ATP2C2: variants seen among roughly 807,000 people sequenced by gnomAD.
The protein encoded by ATP2C2 is ATPase secretory pathway Ca2+ transporting 2, also known as calcium-transporting ATPase type 2C member 2.
A neutral mutation model predicts 110.8 loss-of-function variants in ATP2C2; 171 were observed. The observed-to-expected ratio is 1.54, with a 90% CI of 1.36 to 1.75. ATP2C2 has a LOEUF of 1.75. Ranked by LOEUF, ATP2C2 falls within the 40% of genes most tolerant of loss-of-function variation. The pLI, the probability that ATP2C2 is intolerant of heterozygous loss-of-function variation, is 0.00. For synonymous variants in ATP2C2, 804 were observed against 508.4 expected (o/e 1.58, Z -7.82); for missense variants, 1,963 against 1,235.0 (o/e 1.59, Z -8.84).
At chr16:84,453,801 C>G (rs1038634484) in intron 20 of ATP2C2, among the ~76,000 whole-genome samples, 1 of 151,950 alleles carries the variant, frequency 6.6e-6, no homozygotes, top group Non-Finnish European at 1.5e-5. Context: ...AATTGGATAA[C>G]GTAGAGGGAA....
At chr16:84,436,635 C>T (rs1052160726) in intron 11 of ATP2C2, among the ~76,000 whole-genome samples, 7 of 152,178 alleles carry the variant, frequency 4.6e-5, no homozygotes, top group Admixed American at 4.6e-4. Context: ...GCACTTGGAG[C>T]TCCACTGAAG....
intron 6 of ATP2C2, among the ~76,000 whole-genome samples, chr16:84,412,303 A>C (rs1597788904): frequency 7.6e-6 from 1 of 130,962 alleles, no homozygotes; most frequent in African/African-American, 2.9e-5. Flanking sequence ...TGTGTGTGTG[A>C]GCATGTCTGC....
At chr16:84,379,104 ACTCTCTTCCC>A (rs1191995185) in intron 1 of ATP2C2, among the ~76,000 whole-genome samples, 51 of 145,192 alleles carry the variant, frequency 3.5e-4, no homozygotes, top group African/African-American at 9.8e-4. Flanking sequence ...CATCCATTTC[ACTCTCTTCCC>A]CTCTCTTCCC....
Position 84,442,537 on chromosome 16 carries a change from A to T in ATP2C2, c.1339A>T (p.Ile447Phe). 1.2e-6 allele frequency: 2 copies of T among 1,614,092 alleles called. No individual in the cohort carries two copies. Among genetic ancestry groups the T allele is most frequent in the Non-Finnish European group, 1.7e-6 (2 of 1,179,970 alleles). Residue 447 changes from isoleucine to phenylalanine, a missense_variant, in exon 15 of 27, where the codon ATC becomes TTC. By Grantham distance (21) the Ile-to-Phe change is conservative. Coordinates refer to ENST00000262429, the MANE Select transcript of ATP2C2 (RefSeq NM_014861.4). Reference protein sequence around the residue: ...EAGCVANNAVIRKNAVMGQPT... With the variant: ...EAGCVANNAVFRKNAVMGQPT... ...GGGCTGTGTTGCCAACAATGCGGTC[A>T]TCAGAAAGAACGCCGTGATGGGGCA...
chr16:84,453,154 GTGCAACGGGAAGC>G lies in ATP2C2; in HGVS notation c.1854_1866del (p.Asn618LysfsTer50), dbSNP rs760380406. 2 of 1,613,150 alleles carry G rather than the reference GTGCAACGGGAAGC, an allele frequency of 1.2e-6. No individual in the cohort carries two copies. The highest frequency in any genetic ancestry group is 2.2e-5 in the South Asian group (2 of 90,994). On this transcript the variant is annotated frameshift_variant, in exon 19 of 27. Coordinates refer to ENST00000262429, the MANE Select transcript of ATP2C2 (RefSeq NM_014861.4). LOFTEE classifies it high-confidence loss of function. ...CTTCTGAAGGAAGAAACATCGGCCT[GTGCAACGGGAAGC>G]TGCAAGCCATGTCCGGGGAGGAGGT...
intron 6 of ATP2C2, among the ~76,000 whole-genome samples, chr16:84,413,492 G>A (rs530206821): frequency 6.6e-5 from 10 of 152,278 alleles, no homozygotes; most frequent in East Asian, 1.9e-4. Context: ...CTCGCTGGTC[G>A]GATGAACAGT....
chr16:84,422,745 G>C, intron 9 of ATP2C2, 48 bp downstream of exon 9: 1 of 1,551,970 alleles, frequency 6.4e-7, no homozygotes, highest in Non-Finnish European at 8.7e-7. Context: ...TGGAGTTTGA[G>C]ATTATTATAG....
chr16:84,374,422 C>T (rs1322581336), intron 1 of ATP2C2, among the ~76,000 whole-genome samples: 1 of 152,132 alleles, frequency 6.6e-6, no homozygotes, highest in African/African-American at 2.4e-5. Flanking sequence ...TTGCCCCCCA[C>T]CCCGAAAGGT....
chr16:84,391,687 A>C (rs1306710183), intron 1 of ATP2C2, among the ~76,000 whole-genome samples: 1 of 152,208 alleles, frequency 6.6e-6, no homozygotes, highest in Non-Finnish European at 1.5e-5. Context: ...TGCAGGGTTC[A>C]ATGGGAACGT....
chr16:84,415,634 C>G, intron 7 of ATP2C2, 43 bp downstream of exon 7: 4 of 1,519,410 alleles, frequency 2.6e-6, no homozygotes, highest in African/African-American at 1.4e-5. Context: ...TTTGATGGAG[C>G]TGGTCAAGGA....
At chr16:84,427,231 A>T (rs1907885140) in intron 11 of ATP2C2, among the ~76,000 whole-genome samples, 3 of 152,198 alleles carry the variant, frequency 2.0e-5, no homozygotes, top group Non-Finnish European at 2.9e-5. Flanking sequence ...CAAACCCATG[A>T]TGTAAACAAA....
chr16:84,422,491 C>G lies in ATP2C2; in HGVS notation c.726C>G (p.Leu242=). 1 of 1,614,122 alleles carries G rather than the reference C, an allele frequency of 6.2e-7. No individual in the cohort carries two copies. Among genetic ancestry groups the G allele is most frequent in the Non-Finnish European group, 8.5e-7 (1 of 1,180,040 alleles). ...CAGGCGGTGGGGACCTCACCACCCT[C>G]AGCAACATCGTCTTCATGGGGACCC... ...PLTGGGDLTT[L]SNIVFMGTLV... is the part of the protein sequence containing the mutation. The change falls in exon 8 of 27, where the codon CTC becomes CTG. Residue 242 remains leucine (L), a synonymous_variant. Coordinates refer to ENST00000262429, the MANE Select transcript of ATP2C2 (RefSeq NM_014861.4).
chr16:84,399,214 C>T (rs1311853604), intron 2 of ATP2C2, among the ~76,000 whole-genome samples: 2 of 152,214 alleles, frequency 1.3e-5, no homozygotes, highest in Admixed American at 6.5e-5. Context: ...AAAAAGCCCC[C>T]AGGAAAAGGG....
At chr16:84,462,387 T>A (rs1911468523) in intron 26 of ATP2C2, 4 of 411,138 alleles carry the variant, frequency 9.7e-6, no homozygotes, top group Non-Finnish European at 1.7e-5. Flanking sequence ...GGCACCGGCA[T>A]CCCAGGCGTC....
chr16:84,374,369 C>T (rs749395283), intron 1 of ATP2C2, among the ~76,000 whole-genome samples: 5 of 152,148 alleles, frequency 3.3e-5, no homozygotes, highest in Non-Finnish European at 7.3e-5. Flanking sequence ...GTCATGGATG[C>T]AAATATGCAC....
intron 15 of ATP2C2, among the ~76,000 whole-genome samples, 168 bp downstream of exon 15, chr16:84,442,767 G>A (rs1909391006): frequency 6.6e-6 from 1 of 152,144 alleles, no homozygotes; most frequent in Non-Finnish European, 1.5e-5. Flanking sequence ...GAGGAGGTGA[G>A]CTCTGAGATT....
Position 84,398,372 on chromosome 16 carries a change from C to T in ATP2C2, c.100-127C>T, listed in dbSNP as rs189035347. On this transcript the variant is annotated intron_variant, in intron 1 of 26. Transcript: ENST00000262429. ...GGTGAGCTGAGATCATGACACTGCA[C>T]TCCAGCCTGGGTGACAGAGTGAGAC... is the stretch of plus-strand genomic sequence containing the variant. 19 of 464,942 alleles carry T rather than the reference C, an allele frequency of 4.1e-5. 1 individual carries two copies. The East Asian group carries it at 7.4e-4, about 18-fold the overall frequency. The allele number at this position is 464,942 out of a possible 1,614,324, so 28.8% of individuals were successfully genotyped here.
intron 1 of ATP2C2, among the ~76,000 whole-genome samples, chr16:84,388,631 C>G (rs11644498): frequency 1.3e-5 from 2 of 152,132 alleles, no homozygotes; most frequent in East Asian, 3.8e-4. Flanking sequence ...GGGTGTGTGT[C>G]TCCAATGTCA....
chr16:84,453,294 C>G lies in ATP2C2; in HGVS notation c.1930-27C>G, dbSNP rs754656875. On this transcript the variant is annotated intron_variant, in intron 19 of 26. Coordinates refer to ENST00000262429, the MANE Select transcript of ATP2C2 (RefSeq NM_014861.4). ...TGGGTCACAGCTTTGAAATCTGATTCTTCGTCTTCCCCGTCTCCGTGTCCA... is the reference window on the plus strand; with the variant it reads ...TGGGTCACAGCTTTGAAATCTGATTGTTCGTCTTCCCCGTCTCCGTGTCCA... 7 of 1,614,108 alleles carry G rather than the reference C, an allele frequency of 4.3e-6. No homozygotes were observed. The Admixed American group carries it at 5.0e-5, about 12-fold the overall frequency.
Sources: gnomAD v4.1 joint callset for allele counts (sites outside exome capture counted in the v4.1 genomes callset) on GRCh38, gnomAD v4.1.1 for gene constraint, MANE v1.5 for transcripts, NCBI Gene and HGNC (gene_info 2026-07-23, HGNC 2026-07-21) for gene names.